CPPED1: variants seen among roughly 807,000 people sequenced by gnomAD.
CPPED1 encodes the protein calcineurin like phosphoesterase domain containing 1.
Under a neutral mutation model 28.0 loss-of-function variants are expected in CPPED1, and 28 were observed. The ratio of observed to expected loss-of-function variants is 1.00; its 90% CI spans 0.74 to 1.37. The LOEUF (loss-of-function observed/expected upper bound fraction) is 1.37. Ranked by LOEUF, CPPED1 falls within the 40% of genes most tolerant of loss-of-function variation. The pLI is 0.00. For missense variants in CPPED1, 504 were observed against 416.5 expected (o/e 1.21, Z -1.83); for synonymous variants, 198 against 180.2 (o/e 1.10, Z -0.79).
chr16:12,698,839 G>C (rs965284986), intron 3 of CPPED1, among the ~76,000 whole-genome samples: 2 of 152,158 alleles, frequency 1.3e-5, no homozygotes, highest in Admixed American at 1.3e-4. Flanking sequence ...TCTGTGAAAT[G>C]ACTCATTAAC....
At chr16:12,694,448 C>T (rs1403102419) in intron 3 of CPPED1, among the ~76,000 whole-genome samples, 4 of 152,086 alleles carry the variant, frequency 2.6e-5, no homozygotes, top group Admixed American at 1.3e-4. Context: ...TTAATTAGCC[C>T]AACTGTTAAG....
At chr16:12,757,221 G>T (rs1054752719) in intron 2 of CPPED1, among the ~76,000 whole-genome samples, 1 of 152,170 alleles carries the variant, frequency 6.6e-6, no homozygotes, top group African/African-American at 2.4e-5. Flanking sequence ...GGGCTGAGGG[G>T]TTTCCCAGGA....
intron 2 of CPPED1, among the ~76,000 whole-genome samples, chr16:12,749,750 G>T (rs1047080042): frequency 6.6e-6 from 1 of 152,116 alleles, no homozygotes; most frequent in Non-Finnish European, 1.5e-5. Context: ...ACCATACCTG[G>T]CTAATTTTTG....
chr16:12,698,011 G>T (rs1456514804), intron 3 of CPPED1, among the ~76,000 whole-genome samples: 1 of 152,124 alleles, frequency 6.6e-6, no homozygotes, highest in Non-Finnish European at 1.5e-5. Flanking sequence ...TTGGGAGGCT[G>T]AGTCAGGAGA....
intron 2 of CPPED1, among the ~76,000 whole-genome samples, chr16:12,728,129 T>G (rs2080178956): frequency 6.6e-6 from 1 of 152,182 alleles, no homozygotes; most frequent in Admixed American, 6.5e-5. Context: ...CTGGATTTTG[T>G]GTCTTTTTCC....
Position 12,766,276 on chromosome 16 carries a change from G to GA in CPPED1, c.289+14908_289+14909insT, listed in dbSNP as rs1491205255. 7.8e-4 allele frequency among the ~76,000 whole-genome samples: 102 copies of GA among 131,176 alleles called. 13 individuals are homozygous for GA. The highest frequency in any genetic ancestry group is 3.3e-3 in the African/African-American group (97 of 29,438). 86.1% of individuals were successfully genotyped at this position (131,176 alleles called of 152,430 possible). Reference sequence around the variant, plus strand: ...ATATATAGAGAGAGAGAGAGAGAGAGGGAGAGAGAGAGAGAGAAAGAGAGA... The same window carrying GA: ...ATATATAGAGAGAGAGAGAGAGAGAGAGGAGAGAGAGAGAGAGAAAGAGAGA... On this transcript the variant is annotated intron_variant, in intron 2 of 3. Coordinates refer to ENST00000381774, the MANE Select transcript of CPPED1 (RefSeq NM_018340.3).
Position 12,670,383 on chromosome 16 carries a change from A to G in CPPED1, c.716-5268T>C, listed in dbSNP as rs59452083. On this transcript the variant is annotated intron_variant, in intron 3 of 3. Transcript: ENST00000381774. This position sits in a 1 kb window ranked among gnomAD's most constrained non-coding sequence, Gnocchi z 4.2. ...GTAGGGGGAGAAACATCTCCTACAC[A>G]CAGAAGAGTAACAAATAAATGACAC... Among the ~76,000 whole-genome samples, 7,817 of 152,254 alleles carry G rather than the reference A, an allele frequency of 0.051. 626 individuals carry two copies. Among genetic ancestry groups the G allele is most frequent in the African/African-American group, 0.18 (7,348 of 41,486 alleles).
chr16:12,704,628 G>A lies in CPPED1; in HGVS notation c.711C>T (p.His237=), dbSNP rs764518637. 1.2e-5 allele frequency: 20 copies of A among 1,607,838 alleles called. No homozygotes were observed. The highest frequency in any genetic ancestry group is 5.5e-5 in the South Asian group (5 of 90,418). The change falls in exon 3 of 4, where the codon CAC becomes CAT. Residue 237 remains histidine, a synonymous_variant. Coordinates refer to ENST00000381774, the MANE Select transcript of CPPED1 (RefSeq NM_018340.3). ...TRKKLADKFI[H]AGVKVVFSGH... ...CCCGTGGCCCGGGGCCTCTACCTGC[G>A]TGGATGAACTTGTCTGCCAACTTCT...
chr16:12,801,952 C>CT (rs1225764278), intron 1 of CPPED1, among the ~76,000 whole-genome samples: 1 of 152,222 alleles, frequency 6.6e-6, no homozygotes, highest in East Asian at 1.9e-4. Context: ...AAGGAGCGAC[C>CT]TTGACCTTCA....
intron 2 of CPPED1, among the ~76,000 whole-genome samples, chr16:12,746,863 G>A (rs911195103): frequency 2.0e-5 from 3 of 152,000 alleles, no homozygotes; most frequent in East Asian, 1.9e-4. Flanking sequence ...CACTGTGCAC[G>A]CTAATGCAAC....
chr16:12,769,980 C>T (rs965919057), intron 2 of CPPED1, among the ~76,000 whole-genome samples: 1 of 152,158 alleles, frequency 6.6e-6, no homozygotes, highest in African/African-American at 2.4e-5. Flanking sequence ...AACTGAGCCT[C>T]TTTAAAAACA....
At chr16:12,716,298 T>C (rs1430169626) in intron 2 of CPPED1, among the ~76,000 whole-genome samples, 1 of 152,220 alleles carries the variant, frequency 6.6e-6, no homozygotes, top group Non-Finnish European at 1.5e-5. Flanking sequence ...TCATAGAATA[T>C]TCCATTTAAC....
chr16:12,778,101 G>C (rs1596481620), intron 2 of CPPED1, among the ~76,000 whole-genome samples: 1 of 151,238 alleles, frequency 6.6e-6, no homozygotes, highest in Non-Finnish European at 1.5e-5. Context: ...GTAGTGATGG[G>C]GTTTCACCAT....
At chr16:12,724,785 G>A (rs2080160537) in intron 2 of CPPED1, among the ~76,000 whole-genome samples, 1 of 152,112 alleles carries the variant, frequency 6.6e-6, no homozygotes, top group Non-Finnish European at 1.5e-5. Context: ...GAAATGACAC[G>A]ATTCTTTTTC....
At chr16:12,716,614 A>G (rs1029756946) in intron 2 of CPPED1, among the ~76,000 whole-genome samples, 2 of 152,236 alleles carry the variant, frequency 1.3e-5, no homozygotes, top group African/African-American at 2.4e-5. Context: ...TAAATACGCA[A>G]CCTAATGAAA....
At chr16:12,711,084 A>C (rs1481595697) in intron 2 of CPPED1, among the ~76,000 whole-genome samples, 2 of 152,246 alleles carry the variant, frequency 1.3e-5, no homozygotes, top group Non-Finnish European at 2.9e-5. Flanking sequence ...GAAGCAACCC[A>C]AATATCCACT....
chr16:12,733,689 C>T (rs1441244051), intron 2 of CPPED1, among the ~76,000 whole-genome samples: 1 of 152,136 alleles, frequency 6.6e-6, no homozygotes, highest in Non-Finnish European at 1.5e-5. Flanking sequence ...CAATACATAA[C>T]AGTAAGTAAG....
At chr16:12,766,723 C>A (rs1411377785) in intron 2 of CPPED1, among the ~76,000 whole-genome samples, 1 of 152,092 alleles carries the variant, frequency 6.6e-6, no homozygotes, top group East Asian at 1.9e-4. Flanking sequence ...GAGCAGAGAT[C>A]ACGCCACTGC....
chr16:12,782,564 A>G (rs535816534), intron 1 of CPPED1, among the ~76,000 whole-genome samples: 153 of 115,326 alleles, frequency 1.3e-3, no homozygotes, highest in African/African-American at 4.6e-3. Flanking sequence ...TTTTTTTTTC[A>G]TAATTTAATG....
Sources: allele counts gnomAD v4.1 joint callset (sites outside exome capture counted in the v4.1 genomes callset), GRCh38; gene constraint gnomAD v4.1.1; non-coding constraint Gnocchi (gnomAD v3.1); transcripts MANE v1.5; gene names NCBI Gene and HGNC (gene_info 2026-07-23, HGNC 2026-07-21).